TXNL1: variants seen among roughly 807,000 people sequenced by gnomAD.
TXNL1 encodes thioredoxin-like protein 1.
Under a neutral mutation model 35.5 loss-of-function variants are expected in TXNL1, and 14 were observed. The observed-to-expected ratio is 0.39, with a 90% CI of 0.26 to 0.62. The LOEUF is 0.62. Ranked by LOEUF, TXNL1 falls within the 20% of genes least tolerant of loss-of-function variation. The pLI, the probability that TXNL1 is intolerant of heterozygous loss-of-function variation, is 0.47. For synonymous variants in TXNL1, 110 were observed against 115.5 expected (o/e 0.95, Z 0.31); for missense variants, 263 against 349.7 (o/e 0.75, Z 1.98).
chr18:56,638,464 G>A lies in TXNL1; in HGVS notation c.-24C>T, dbSNP rs1397419105. 1.2e-6 allele frequency: 2 copies of A among 1,603,544 alleles called. No homozygotes were observed. Among genetic ancestry groups the A allele is most frequent in the East Asian group, 2.2e-5 (1 of 44,592 alleles). On this transcript the variant is annotated 5_prime_UTR_variant, in exon 1 of 8. Transcript: ENST00000217515. ...ATCCTCACAGAGAGCCCGGCAGGGT[G>A]GCCGCGACGCCACTGGCTTTGAAAC... is the stretch of plus-strand genomic sequence containing the variant.
At chr18:56,612,347 A>G (rs1376679603) in intron 6 of TXNL1, among the ~76,000 whole-genome samples, 1 of 151,832 alleles carries the variant, frequency 6.6e-6, no homozygotes, top group African/African-American at 2.4e-5. Flanking sequence ...AAAAAATAGT[A>G]TTGGGAATCA....
Position 56,614,547 on chromosome 18 carries a change from C to T in TXNL1, c.612G>A (p.Met204Ile). ...CACTTCTTTCTGCCTCTTCAAAATCCATAGATCGGGGTAGGTTGATAAAAA... is the reference window on the plus strand; with the variant it reads ...CACTTCTTTCTGCCTCTTCAAAATCTATAGATCGGGGTAGGTTGATAAAAA... ...VKIFINLPRSMDFEEAERSEP... is the reference protein window; with the variant it reads ...VKIFINLPRSIDFEEAERSEP... The change falls in exon 6 of 8, where the codon ATG (methionine) becomes ATA (isoleucine). Residue 204 changes from methionine (M) to isoleucine (I), a missense_variant. Met to Ile is a conservative substitution (Grantham distance 10). Coordinates refer to ENST00000217515, the MANE Select transcript of TXNL1 (RefSeq NM_004786.3). 2.5e-6 allele frequency: 4 copies of T among 1,613,860 alleles called. No individual in the cohort carries two copies. Among genetic ancestry groups the T allele is most frequent in the Non-Finnish European group, 3.4e-6 (4 of 1,179,956 alleles).
rs375127207 is a variant in TXNL1, at chr18:56,623,185, G to C, written c.369+1103C>G. Among the ~76,000 whole-genome samples the C allele has an allele frequency of 4.9e-4, 75 of 152,160 alleles. 2 individuals are homozygous for C. In the South Asian group the frequency reaches 0.014, roughly 28 times the overall value. The stretch of plus-strand genomic sequence containing the variant: ...TCACGCCTGTAATCCCAACACTTTG[G>C]GGGAGGCCAAGGCAGGTGGATCACC... On this transcript the variant is annotated intron_variant, in intron 3 of 7. Transcript: ENST00000217515.
At chr18:56,633,619 CAAAAAAAAA>C (rs58501408) in intron 1 of TXNL1, among the ~76,000 whole-genome samples, 1 of 91,074 alleles carries the variant, frequency 1.1e-5, no homozygotes, top group African/African-American at 3.9e-5. Flanking sequence ...GACCCTGTCT[CAAAAAAAAA>C]AAAAAAAAAA....
rs187610228 is a variant in TXNL1 at position 56,623,271 on chromosome 18, T to C, written c.369+1017A>G. Among the ~76,000 whole-genome samples the C allele has an allele frequency of 2.2e-3, 327 of 151,846 alleles. 2 individuals are homozygous for C. The highest frequency in any genetic ancestry group is 0.014 in the Middle Eastern group (4 of 294). Reference sequence around the variant, plus strand: ...GGTGAAACCTCGTCTCTACGAAAAATACAAAAATTAGCTGGGCATGGTGGC... The same window carrying C: ...GGTGAAACCTCGTCTCTACGAAAAACACAAAAATTAGCTGGGCATGGTGGC... On this transcript the variant is annotated intron_variant, in intron 3 of 7. Coordinates refer to ENST00000217515, the MANE Select transcript of TXNL1 (RefSeq NM_004786.3).
At chr18:56,617,981 G>A (rs934385643) in intron 4 of TXNL1, 23 bp downstream of exon 4, 10 of 1,613,048 alleles carry the variant, frequency 6.2e-6, no homozygotes, top group Non-Finnish European at 8.5e-6. Flanking sequence ...ATCTCCACAA[G>A]CTTATCTTCA....
In TXNL1 at chr18:56,638,435, C is replaced by G. The variant is rs771096558; in HGVS notation, c.6G>C (p.Val2=). 1 of 1,612,580 alleles carries G rather than the reference C, an allele frequency of 6.2e-7. No homozygotes were observed. The highest frequency in any genetic ancestry group is 1.1e-5 in the South Asian group (1 of 90,904). Reference sequence around the variant, plus strand: ...GGTCGCTCCCGACGGGCTTCACCCCCACCATCCTCACAGAGAGCCCGGCAG... The same window carrying G: ...GGTCGCTCCCGACGGGCTTCACCCCGACCATCCTCACAGAGAGCCCGGCAG... The part of the protein sequence containing the change: M[V]GVKPVGSDPD... The change falls in exon 1 of 8, where the codon GTG becomes GTC. Residue 2 remains valine, a synonymous_variant. Coordinates refer to ENST00000217515, the MANE Select transcript of TXNL1 (RefSeq NM_004786.3).
At chr18:56,608,487 A>G (rs2023938288) in intron 7 of TXNL1, 1 of 152,252 alleles carries the variant, frequency 6.6e-6, no homozygotes, top group Admixed American at 6.5e-5. Context: ...AGAAGCCCAG[A>G]ACACCAACAA....
chr18:56,599,363 GAAGTA>G lies in TXNL1; in HGVS notation c.*3659_*3663del, dbSNP rs2023781905. On this transcript the variant is annotated 3_prime_UTR_variant, in exon 8 of 8. Transcript: ENST00000217515. ...AAATGACATCAGTAGTCTTCCTTAA[GAAGTA>G]TAGGCTTAACTGGGGAATAGTCAAT... The G allele has an allele frequency of 6.6e-6, 1 of 151,222 alleles. No homozygotes were observed. The highest frequency in any genetic ancestry group is 1.5e-5 in the Non-Finnish European group (1 of 67,914). The allele number at this position is 151,222 out of a possible 1,614,324, so 9.4% of individuals were successfully genotyped here.
rs958160290 is a variant in TXNL1 at position 56,602,272 on chromosome 18, A to C, written c.*755T>G. The C allele has an allele frequency of 6.6e-6, 1 of 151,910 alleles. No individual in the cohort carries two copies. The highest frequency in any genetic ancestry group is 1.5e-5 in the Non-Finnish European group (1 of 68,014). The allele number at this position is 151,910 out of a possible 1,614,324, so 9.4% of individuals were successfully genotyped here. A position where few individuals can be genotyped will look rare whatever the true frequency, so the allele number is the denominator to read the frequency against. ...GTGATTCGCCCGCCTTGGCCTCCCAAAGTACTGGGATTACAGACATTAGCC... is the reference window on the plus strand; with the variant it reads ...GTGATTCGCCCGCCTTGGCCTCCCACAGTACTGGGATTACAGACATTAGCC... On this transcript the variant is annotated 3_prime_UTR_variant, in exon 8 of 8. Coordinates refer to ENST00000217515, the MANE Select transcript of TXNL1 (RefSeq NM_004786.3).
intron 1 of TXNL1, among the ~76,000 whole-genome samples, chr18:56,633,107 T>C (rs373624283): frequency 1.3e-5 from 2 of 151,936 alleles, no homozygotes; most frequent in Admixed American, 6.6e-5. Context: ...GAAAATTCAA[T>C]GTATCTCCAG....
At chr18:56,613,286 A>G (rs1310792892) in intron 6 of TXNL1, among the ~76,000 whole-genome samples, 2 of 152,190 alleles carry the variant, frequency 1.3e-5, no homozygotes, top group African/African-American at 4.8e-5. Flanking sequence ...TTGGCATGAC[A>G]TTCTCAGTGG....
intron 1 of TXNL1, among the ~76,000 whole-genome samples, chr18:56,627,273 G>A (rs903094277): frequency 1.3e-5 from 2 of 152,016 alleles, no homozygotes; most frequent in Non-Finnish European, 2.9e-5. Flanking sequence ...CTAAATAAAT[G>A]GAGGAATTTA....
At chr18:56,637,761 G>A (rs186278796) in intron 1 of TXNL1, among the ~76,000 whole-genome samples, 1 of 152,252 alleles carries the variant, frequency 6.6e-6, no homozygotes, top group East Asian at 1.9e-4. Flanking sequence ...GTTAGTGGCC[G>A]AACGAGGAAG....
At chr18:56,623,474 T>C (rs370849582) in intron 3 of TXNL1, among the ~76,000 whole-genome samples, 1 of 152,172 alleles carries the variant, frequency 6.6e-6, no homozygotes, top group East Asian at 1.9e-4. Context: ...GTAACTTTTT[T>C]TAAAATTCAT....
At chr18:56,617,068 C>T (rs765184487) in intron 4 of TXNL1, among the ~76,000 whole-genome samples, 4 of 152,062 alleles carry the variant, frequency 2.6e-5, no homozygotes, top group African/African-American at 7.2e-5. Context: ...TTTTAGGGCA[C>T]CATTTACAAG....
At chr18:56,606,354 A>C (rs1379855178) in intron 7 of TXNL1, among the ~76,000 whole-genome samples, 3 of 152,096 alleles carry the variant, frequency 2.0e-5, no homozygotes, top group African/African-American at 7.2e-5. Context: ...TCCAGCCTGG[A>C]CAACAGAGCA....
At chr18:56,633,619 CAAAAAA>C (rs58501408) in intron 1 of TXNL1, among the ~76,000 whole-genome samples, 2 of 91,074 alleles carry the variant, frequency 2.2e-5, no homozygotes, top group Non-Finnish European at 4.5e-5. Flanking sequence ...GACCCTGTCT[CAAAAAA>C]AAAAAAAAAA....
At chr18:56,622,979 C>A (rs2024212941) in intron 3 of TXNL1, among the ~76,000 whole-genome samples, 1 of 152,152 alleles carries the variant, frequency 6.6e-6, no homozygotes, top group Non-Finnish European at 1.5e-5. Flanking sequence ...GACACCCTTA[C>A]AATCTCCTAC....
Sources: gnomAD v4.1 joint callset for allele counts (sites outside exome capture counted in the v4.1 genomes callset) on GRCh38, gnomAD v4.1.1 for gene constraint, MANE v1.5 for transcripts, NCBI Gene and HGNC (gene_info 2026-07-23, HGNC 2026-07-21) for gene names.